Variants in CLVS1 observed in about 807,000 individuals in gnomAD.
The protein encoded by CLVS1 is clavesin-1.
In CLVS1, 10 loss-of-function variants were observed where a neutral mutation model predicts 33.1. The observed-to-expected ratio is 0.30, with a 90% CI of 0.19 to 0.51. The LOEUF (loss-of-function observed/expected upper bound fraction) is 0.51, where lower values mean the gene tolerates loss of function less well. Among genes scored for constraint, CLVS1 ranks in the 20% least tolerant of loss-of-function variants. CLVS1 has a pLI of 0.97. For missense variants in CLVS1, 343 were observed against 433.4 expected (o/e 0.79, Z 1.85); for synonymous variants, 163 against 166.1 (o/e 0.98, Z 0.14).
chr8:61,281,533 C>T (rs1451352963), intron 2 of CLVS1, among the ~76,000 whole-genome samples: 2 of 152,168 alleles, frequency 1.3e-5, no homozygotes, highest in African/African-American at 2.4e-5. Flanking sequence ...AGAAACCAAT[C>T]CTGCTGGCAC....
At chr8:61,117,457 A>C (rs958760440) in intron 1 of CLVS1, among the ~76,000 whole-genome samples, 13 of 152,000 alleles carry the variant, frequency 8.6e-5, no homozygotes, top group Admixed American at 3.3e-4. Flanking sequence ...GCCAGTTTTC[A>C]AAGGGAATGC....
At chr8:61,338,751 C>T (rs1054052681) in intron 2 of CLVS1, among the ~76,000 whole-genome samples, 4 of 152,268 alleles carry the variant, frequency 2.6e-5, no homozygotes, top group South Asian at 2.1e-4. Context: ...CTGACAAACA[C>T]GCCGAGGGAC....
chr8:61,311,936 A>G (rs1810846056), intron 2 of CLVS1, among the ~76,000 whole-genome samples: 1 of 152,218 alleles, frequency 6.6e-6, no homozygotes, highest in African/African-American at 2.4e-5. Flanking sequence ...AAAAGAGGGC[A>G]TGTAGAAAGG....
chr8:61,448,340 C>T (rs1003877328), intron 3 of CLVS1, among the ~76,000 whole-genome samples: 1 of 152,036 alleles, frequency 6.6e-6, no homozygotes, highest in Non-Finnish European at 1.5e-5. Context: ...TTTCCAGCCT[C>T]GATCTCTCTC....
At chr8:61,355,954 G>C (rs940676532) in intron 2 of CLVS1, among the ~76,000 whole-genome samples, 2 of 152,194 alleles carry the variant, frequency 1.3e-5, no homozygotes, top group Non-Finnish European at 2.9e-5. Context: ...GAGTCAAATG[G>C]TATTTCTACT....
intron 2 of CLVS1, among the ~76,000 whole-genome samples, chr8:61,236,617 T>A (rs889771507): frequency 6.6e-6 from 1 of 152,186 alleles, no homozygotes; most frequent in Non-Finnish European, 1.5e-5. Context: ...TTTTTCTTTT[T>A]GTGAAAGCCC....
At chr8:61,232,023 G>GATTTTTT (rs1424272247) in intron 2 of CLVS1, among the ~76,000 whole-genome samples, 1 of 62,628 alleles carries the variant, frequency 1.6e-5, no homozygotes, top group South Asian at 4.9e-4. Flanking sequence ...GAAAGTTGTG[G>GATTTTTT]TTTTTTTTTT....
chr8:61,410,999 G>A (rs532129083), intron 3 of CLVS1, among the ~76,000 whole-genome samples: 13 of 152,192 alleles, frequency 8.5e-5, no homozygotes, highest in East Asian at 5.8e-4. Context: ...CTCCTCCTAC[G>A]CTTGTGCTCT....
At chr8:61,047,472 A>G in the CLVS1 span, among the ~76,000 whole-genome samples, 622 of 152,244 alleles carry the variant, frequency 4.1e-3, no homozygotes, top group Non-Finnish European at 6.5e-3. Context: ...TACCCAAAGG[A>G]CTATAAAGAC....
chr8:61,132,425 C>T (rs1012628231), intron 2 of CLVS1, among the ~76,000 whole-genome samples: 8 of 152,178 alleles, frequency 5.3e-5, no homozygotes, highest in African/African-American at 1.7e-4. Context: ...GGGGACAACG[C>T]GGGCTGAGGC....
chr8:61,337,671 C>T (rs1811854756), intron 2 of CLVS1, among the ~76,000 whole-genome samples: 1 of 152,196 alleles, frequency 6.6e-6, no homozygotes, highest in Non-Finnish European at 1.5e-5. Context: ...ACCATTTAAT[C>T]TGCAAAACAA....
At chr8:61,463,675 T>C (rs557378767) in intron 5 of CLVS1, among the ~76,000 whole-genome samples, 7 of 152,292 alleles carry the variant, frequency 4.6e-5, no homozygotes, top group Admixed American at 3.9e-4. Context: ...TTAAGTATAT[T>C]GTCTTATAGG....
chr8:61,155,600 G>A (rs1412670537), intron 2 of CLVS1, among the ~76,000 whole-genome samples: 1 of 151,854 alleles, frequency 6.6e-6, no homozygotes, highest in Non-Finnish European at 1.5e-5. Flanking sequence ...AGGAAACCAC[G>A]GTACTTAACC....
At chr8:61,000,788 A>G in the CLVS1 span, among the ~76,000 whole-genome samples, 1 of 152,252 alleles carries the variant, frequency 6.6e-6, no homozygotes, top group African/African-American at 2.4e-5. Context: ...GACCCTTCAC[A>G]GTGACTGAAC....
At chr8:61,122,619 CAGCA>C (rs2129289972) in intron 1 of CLVS1, among the ~76,000 whole-genome samples, 1 of 147,888 alleles carries the variant, frequency 6.8e-6, no homozygotes, top group African/African-American at 2.5e-5. Context: ...CACAAGAAAA[CAGCA>C]AGCAAGAAGT....
rs1273057411 is a variant in CLVS1, at chr8:61,272,156, G to A, written c.-151-27521G>A. Among the ~76,000 whole-genome samples, 99 of 151,342 alleles carry A rather than the reference G, an allele frequency of 6.5e-4. 1 individual carries two copies. Among genetic ancestry groups the A allele is most frequent in the Admixed American group, 3.1e-3 (48 of 15,242 alleles). On this transcript the variant is annotated intron_variant, in intron 2 of 2. Coordinates refer to the CLVS1 transcript ENST00000522621. ...CTGGTTGTTCCTTTCCATGTTTAGC[G>A]CTTCCTTCAGGAGCTCTTTTAGGGC...
chr8:61,488,377 A>C (rs1049924080), intron 5 of CLVS1, among the ~76,000 whole-genome samples: 2 of 152,202 alleles, frequency 1.3e-5, no homozygotes, highest in Non-Finnish European at 2.9e-5. Flanking sequence ...TCAAGCTATG[A>C]GGGTGACTCT....
chr8:61,180,575 AT>A (rs1807209025), intron 2 of CLVS1, among the ~76,000 whole-genome samples: 1 of 152,246 alleles, frequency 6.6e-6, no homozygotes, highest in African/African-American at 2.4e-5. Context: ...ATGAACATCA[AT>A]GCAAAAATCC....
chr8:61,457,048 C>T (rs1179263353), intron 4 of CLVS1, among the ~76,000 whole-genome samples: 2 of 151,914 alleles, frequency 1.3e-5, no homozygotes, highest in Non-Finnish European at 2.9e-5. Context: ...AGTGATTCTC[C>T]TTCTCCAGCC....
Sources: gnomAD v4.1 joint callset for allele counts (sites outside exome capture counted in the v4.1 genomes callset) on GRCh38, gnomAD v4.1.1 for gene constraint, MANE v1.5 for transcripts, NCBI Gene and HGNC (gene_info 2026-07-23, HGNC 2026-07-21) for gene names.